Variants in ABLIM1 observed in about 807,000 individuals in gnomAD.
ABLIM1 encodes actin binding LIM protein 1, also known as actin-binding LIM protein 1.
ABLIM1 carries 40 observed loss-of-function variants against 107.0 expected under a neutral mutation model. The observed-to-expected ratio is 0.37, with a 90% confidence interval of 0.29 to 0.49. The LOEUF (loss-of-function observed/expected upper bound fraction) is 0.49. Among genes scored for constraint, ABLIM1 ranks in the 20% least tolerant of loss-of-function variants. The pLI, the probability that ABLIM1 is intolerant of heterozygous loss-of-function variation, is 0.97. For synonymous variants in ABLIM1, 357 were observed against 357.3 expected, an observed-to-expected ratio of 1.00 and a Z score of 0.01; for missense variants, 857 against 1,008.5, an observed-to-expected ratio of 0.85 and a Z score of 2.04.
chr10:114,588,898 A>G (rs932557851), intron 2 of ABLIM1, among the ~76,000 whole-genome samples: 6 of 152,120 alleles, frequency 3.9e-5, no homozygotes, highest in South Asian at 4.2e-4. Flanking sequence ...TTCCTGCCCT[A>G]TGTCCAACAA....
At position 114,745,591 on chromosome 10, in the gene ABLIM1, C is replaced by A. The variant is rs142802727; in HGVS notation, c.-213+22470G>T. 4.5e-3 allele frequency among the ~76,000 whole-genome samples: 680 copies of A among 151,956 alleles called. 6 individuals are homozygous for A. Among genetic ancestry groups the A allele is most frequent in the African/African-American group, 0.015 (638 of 41,440 alleles). ...ATATATAAAATATTTCCTAATTGGCCGGGCACAGTGGCTCATGCCATTAAT... is the reference window on the plus strand; with the variant it reads ...ATATATAAAATATTTCCTAATTGGCAGGGCACAGTGGCTCATGCCATTAAT... On this transcript the variant is annotated intron_variant, in intron 1 of 15. Coordinates refer to the ABLIM1 transcript ENST00000651092.
intron 3 of ABLIM1, among the ~76,000 whole-genome samples, chr10:114,574,697 C>T (rs554731185): frequency 5.9e-5 from 9 of 152,276 alleles, no homozygotes; most frequent in African/African-American, 1.9e-4. Flanking sequence ...CTGCCTCGGC[C>T]TCCCAAAGTG....
In ABLIM1 at chr10:114,604,795, A is replaced by C. The variant is rs577130005; in HGVS notation, c.245-2834T>G. Among the ~76,000 whole-genome samples the C allele has an allele frequency of 2.6e-5, 4 of 152,348 alleles. No homozygotes were observed. In the East Asian group the frequency reaches 5.8e-4, roughly 22 times the overall value. ...ATTTTTGGATAAGAAAATGCACTGCAGTTTCTCTTGACACTTGAATTTCTT... is the reference window on the plus strand; with the variant it reads ...ATTTTTGGATAAGAAAATGCACTGCCGTTTCTCTTGACACTTGAATTTCTT... On this transcript the variant is annotated intron_variant, in intron 1 of 22. Transcript: ENST00000533213.
Position 114,465,706 on chromosome 10 carries a change from T to C in ABLIM1, c.1433A>G (p.His478Arg). Residue 478 changes from histidine to arginine, a missense_variant, in exon 12 of 23, where the codon CAC becomes CGC. By Grantham distance (29) the His-to-Arg change is conservative. Transcript: ENST00000533213. ...PTTSRSPQHF[H>R]RPGNEPSSGR... ...GGAACAGTCACCCTTACCAGGTCTG[T>C]GGAAATGCTGGGGAGAGCGGGACGT... 6.2e-7 allele frequency: 1 copy of C among 1,614,038 alleles called. No homozygotes were observed. The highest frequency in any genetic ancestry group is 8.5e-7 in the Non-Finnish European group (1 of 1,179,934).
chr10:114,754,965 C>A (rs1200976788), intron 1 of ABLIM1, among the ~76,000 whole-genome samples: 1 of 152,026 alleles, frequency 6.6e-6, no homozygotes, highest in Non-Finnish European at 1.5e-5. Context: ...CAGCAAATGA[C>A]TAAGAACTGC....
Position 114,434,110 on chromosome 10 carries a change from G to A in ABLIM1, c.*2150C>T, listed in dbSNP as rs529945274. On this transcript the variant is annotated 3_prime_UTR_variant, in exon 23 of 23. Transcript: ENST00000533213. ...CATTGTGCCAAGGCTGCCATTGCAG[G>A]AGGGCACAGAGAGAGGATGGGATAG... is the stretch of plus-strand genomic sequence containing the variant. 1.3e-5 allele frequency: 2 copies of A among 152,358 alleles called. No homozygotes were observed. Among genetic ancestry groups the A allele is most frequent in the South Asian group, 2.1e-4 (1 of 4,828 alleles). 9.4% of individuals were successfully genotyped at this position (152,358 alleles called of 1,614,324 possible). A position where few individuals can be genotyped will look rare whatever the true frequency, so the allele number is the denominator to read the frequency against.
At chr10:114,549,156 G>A (rs1008345044) in intron 4 of ABLIM1, among the ~76,000 whole-genome samples, 2 of 152,126 alleles carry the variant, frequency 1.3e-5, no homozygotes, top group African/African-American at 2.4e-5. Context: ...AGGCCGAGGC[G>A]GATGGATCAC....
At chr10:114,632,453 C>G in intron 1 of ABLIM1, 1 of 985,110 alleles carries the variant, frequency 1.0e-6, no homozygotes, top group African/African-American at 1.7e-5. Context: ...ACTACGGCTT[C>G]TTTCAGGCAA....
chr10:114,763,034 T>C (rs570606423), intron 1 of ABLIM1, among the ~76,000 whole-genome samples: 1 of 152,360 alleles, frequency 6.6e-6, no homozygotes, highest in Non-Finnish European at 1.5e-5. Flanking sequence ...CAATGGAATC[T>C]ATCCACACAC....
intron 4 of ABLIM1, among the ~76,000 whole-genome samples, chr10:114,562,302 G>T (rs1303338212): frequency 1.3e-5 from 2 of 152,162 alleles, no homozygotes; most frequent in Non-Finnish European, 2.9e-5. Context: ...GGCCGAGGCA[G>T]GTGGATCACA....
intron 1 of ABLIM1, among the ~76,000 whole-genome samples, chr10:114,639,427 C>T (rs542498960): frequency 6.6e-5 from 10 of 152,344 alleles, no homozygotes; most frequent in South Asian, 2.1e-4. Flanking sequence ...CACATCCTGC[C>T]GCCTACCCAG....
chr10:114,552,491 G>GAAAAAAAA (rs68058352), intron 4 of ABLIM1, among the ~76,000 whole-genome samples: 2 of 120,658 alleles, frequency 1.7e-5, no homozygotes, highest in Non-Finnish European at 3.5e-5. Context: ...ACCTAACATG[G>GAAAAAAAA]AAAAAAAAAA....
intron 19 of ABLIM1, 74 bp downstream of exon 19, chr10:114,440,943 G>GT: frequency 7.2e-7 from 1 of 1,386,800 alleles, no homozygotes; most frequent in East Asian, 2.4e-5. Context: ...AACACAGCCA[G>GT]TATACTTGAC....
chr10:114,722,589 T>TAC (rs1307457320), intron 1 of ABLIM1, among the ~76,000 whole-genome samples: 1 of 152,270 alleles, frequency 6.6e-6, no homozygotes, highest in African/African-American at 2.4e-5. Flanking sequence ...TATTTACATG[T>TAC]ACACACACAA....
intron 1 of ABLIM1, among the ~76,000 whole-genome samples, chr10:114,605,762 A>C (rs2140099146): frequency 6.6e-6 from 1 of 152,292 alleles, no homozygotes. Flanking sequence ...TCCACTGCAG[A>C]ATACCCAGTT....
chr10:114,575,342 C>T (rs2072364986), intron 3 of ABLIM1, 74 bp downstream of exon 3: 20 of 1,535,864 alleles, frequency 1.3e-5, no homozygotes, highest in South Asian at 9.9e-5. Flanking sequence ...GTGTATAATC[C>T]AACCTTTAAC....
chr10:114,607,251 G>A (rs1307351728), intron 1 of ABLIM1, among the ~76,000 whole-genome samples: 2 of 152,104 alleles, frequency 1.3e-5, no homozygotes, highest in Non-Finnish European at 1.5e-5. Context: ...TAGTGGAGAC[G>A]GGGTTTCACC....
chr10:114,792,452 T>G, the ABLIM1 span, among the ~76,000 whole-genome samples: 1 of 152,224 alleles, frequency 6.6e-6, no homozygotes, highest in African/African-American at 2.4e-5. Flanking sequence ...AGCAAGATAC[T>G]GATACATCAG....
chr10:114,542,683 C>A (rs1292519042), intron 6 of ABLIM1, among the ~76,000 whole-genome samples: 4 of 152,120 alleles, frequency 2.6e-5, no homozygotes, highest in Admixed American at 1.3e-4. Flanking sequence ...TTATTTCAGT[C>A]CTCCACAAGA....
Sources: gnomAD v4.1 joint callset for allele counts (sites outside exome capture counted in the v4.1 genomes callset) on GRCh38, gnomAD v4.1.1 for gene constraint, MANE v1.5 for transcripts, NCBI Gene and HGNC (gene_info 2026-07-23, HGNC 2026-07-21) for gene names.